Variants in HPS1 observed in about 807,000 individuals in gnomAD.
HPS1 encodes HPS1 biogenesis of lysosomal organelles complex 3 subunit 1, also known as BLOC-3 complex member HPS1.
HPS1 carries 59 observed loss-of-function variants against 90.6 expected under a neutral mutation model. That is an observed-to-expected ratio of 0.65 (90% CI 0.53 to 0.81). The LOEUF is 0.81. Ranked by LOEUF, HPS1 falls within the 30% of genes least tolerant of loss-of-function variation. The probability of loss-of-function intolerance (pLI) is 0.00; values close to 1 mark genes in which losing one functional copy is unlikely to be tolerated. For missense variants in HPS1, 849 were observed against 896.7 expected (o/e 0.95, Z 0.68); for synonymous variants, 388 against 384.4 (o/e 1.01, Z -0.11).
chr10:98,437,936 T>C (rs1937662810), intron 3 of HPS1, among the ~76,000 whole-genome samples: 1 of 152,174 alleles, frequency 6.6e-6, no homozygotes, highest in South Asian at 2.1e-4. Flanking sequence ...CTCAACTTGT[T>C]CTCATGAAAA....
chr10:98,418,021 C>T (rs1844333243), intron 19 of HPS1, 154 bp downstream of exon 19: 7 of 662,776 alleles, frequency 1.1e-5, no homozygotes, highest in South Asian at 3.6e-5. Context: ...CGTCCTCCCT[C>T]GCTGCACACA....
chr10:98,439,606 T>A (rs1197743542), intron 3 of HPS1, among the ~76,000 whole-genome samples: 1 of 152,190 alleles, frequency 6.6e-6, no homozygotes, highest in Non-Finnish European at 1.5e-5. Flanking sequence ...AAGTAACTTG[T>A]TTTTTATTTT....
At chr10:98,421,468 G>T (rs889479166) in intron 17 of HPS1, among the ~76,000 whole-genome samples, 1 of 152,208 alleles carries the variant, frequency 6.6e-6, no homozygotes, top group Admixed American at 6.5e-5. Flanking sequence ...TTATGGAGCT[G>T]CTAAAAATCA....
intron 16 of HPS1, 129 bp from the exon 17 acceptor site, chr10:98,422,642 T>A: frequency 1.1e-6 from 1 of 915,072 alleles, no homozygotes; most frequent in Non-Finnish European, 1.8e-6. Context: ...AGCTTCCATT[T>A]CAGCTAAGCC....
At chr10:98,431,079 A>C in intron 7 of HPS1, 52 bp downstream of exon 7, 1 of 1,583,564 alleles carries the variant, frequency 6.3e-7, no homozygotes. Flanking sequence ...GCCATAGGGG[A>C]GTGAGAAGGC....
In HPS1 at chr10:98,422,426, A is replaced by G. The variant is rs1242152758; in HGVS notation, c.1686T>C (p.Ser562=). 1.9e-6 allele frequency: 3 copies of G among 1,610,788 alleles called. No individual in the cohort carries two copies. The highest frequency in any genetic ancestry group is 2.2e-5 in the South Asian group (2 of 91,014). ...GQMVAPSLNC[S]QKTSSELGKG... ...TGCCCAACTCCGACGAGGTCTTTTG[A>G]CTGCAGTTGAGGGAAGGCGCCACCA... Residue 562 remains serine, a synonymous_variant, in exon 17 of 20, where the codon AGT becomes AGC. Transcript: ENST00000361490.
intron 10 of HPS1, 120 bp downstream of exon 10, chr10:98,429,453 G>T: frequency 1.3e-6 from 2 of 1,578,510 alleles, no homozygotes; most frequent in East Asian, 2.3e-5. Flanking sequence ...CTAGGAACAC[G>T]GGTACCTGCA....
downstream of HPS1, among the ~76,000 whole-genome samples, chr10:98,415,950 G>A (rs976215336): frequency 2.6e-5 from 4 of 152,204 alleles, no homozygotes; most frequent in Admixed American, 2.6e-4. Context: ...CCCTCCCTTA[G>A]GCCTGCCTTG....
intron 18 of HPS1, 64 bp from the exon 19 acceptor site, chr10:98,418,321 C>G (rs1419312975): frequency 6.6e-6 from 6 of 912,808 alleles, no homozygotes; most frequent in Non-Finnish European, 1.0e-5. Context: ...GTCAGACGCA[C>G]CGGGCTTGCG....
At chr10:98,415,066 T>C (rs779780823), downstream of HPS1, 38 of 1,614,104 alleles carry the variant, frequency 2.4e-5, no homozygotes, top group Non-Finnish European at 3.2e-5. Flanking sequence ...GCTTCCGTGT[T>C]ATCTCGTCTC....
At chr10:98,419,720 G>A (rs558362734) in intron 18 of HPS1, among the ~76,000 whole-genome samples, 20 of 152,358 alleles carry the variant, frequency 1.3e-4, no homozygotes, top group African/African-American at 3.1e-4. Flanking sequence ...TGACGCTGGC[G>A]ACATGGAAGC....
chr10:98,432,565 C>T (rs1846631515), intron 6 of HPS1, among the ~76,000 whole-genome samples: 1 of 152,194 alleles, frequency 6.6e-6, no homozygotes, highest in South Asian at 2.1e-4. Context: ...TAACACATCC[C>T]TTGAGTTTTT....
intron 15 of HPS1, 24 bp downstream of exon 15, chr10:98,423,729 C>A: frequency 1.2e-6 from 2 of 1,614,088 alleles, no homozygotes; most frequent in Non-Finnish European, 1.7e-6. Context: ...GCCCTGGCCA[C>A]CCAGGGGGCC....
intron 17 of HPS1, among the ~76,000 whole-genome samples, chr10:98,421,965 A>AACACACACAC (rs1270311453): frequency 3.5e-4 from 42 of 118,764 alleles, no homozygotes; most frequent in South Asian, 1.7e-3. Context: ...GAAAGAAAAG[A>AACACACACAC]ACACACACAC....
Position 98,422,399 on chromosome 10 carries a change from C to G in HPS1, c.1713G>C (p.Lys571Asn). 1 of 1,614,224 alleles carries G rather than the reference C, an allele frequency of 6.2e-7. No homozygotes were observed. The highest frequency in any genetic ancestry group is 2.2e-5 in the East Asian group (1 of 44,886). The change falls in exon 17 of 20, where the codon AAG becomes AAC. Residue 571 changes from lysine (K) to asparagine (N), a missense_variant. Lys to Asn is a moderately conservative substitution (Grantham distance 94, BLOSUM62 0). Coordinates refer to ENST00000361490, the MANE Select transcript of HPS1 (RefSeq NM_000195.5). Reference protein sequence around the residue: ...CSQKTSSELGKGPLAAFVKTK... With the variant: ...CSQKTSSELGNGPLAAFVKTK... ...TTTTGACAAAGGCAGCCAGCGGCCCCTTGCCCAACTCCGACGAGGTCTTTT... is the reference window on the plus strand; with the variant it reads ...TTTTGACAAAGGCAGCCAGCGGCCCGTTGCCCAACTCCGACGAGGTCTTTT...
At chr10:98,438,995 G>T (rs1937902750) in intron 3 of HPS1, among the ~76,000 whole-genome samples, 1 of 152,214 alleles carries the variant, frequency 6.6e-6, no homozygotes, top group Admixed American at 6.5e-5. Flanking sequence ...TGTTGTTTCA[G>T]ACAGTGCAAG....
At chr10:98,441,649 C>G (rs1406595208) in intron 3 of HPS1, among the ~76,000 whole-genome samples, 1 of 152,010 alleles carries the variant, frequency 6.6e-6, no homozygotes, top group African/African-American at 2.4e-5. Flanking sequence ...ATTAGAAGCT[C>G]TCAAAACTCA....
intron 3 of HPS1, among the ~76,000 whole-genome samples, chr10:98,439,486 C>G (rs1938017914): frequency 6.6e-6 from 1 of 152,218 alleles, no homozygotes; most frequent in African/African-American, 2.4e-5. Flanking sequence ...TAAGATTTGA[C>G]TGCCCCACTG....
downstream of HPS1, chr10:98,414,923 G>C: frequency 6.5e-7 from 1 of 1,541,684 alleles, no homozygotes; most frequent in South Asian, 1.3e-5. Context: ...AGTGGGGCTT[G>C]GCTCCCCCTC....
Sources: allele counts gnomAD v4.1 joint callset (sites outside exome capture counted in the v4.1 genomes callset), GRCh38; gene constraint gnomAD v4.1.1; transcripts MANE v1.5; gene names NCBI Gene and HGNC (gene_info 2026-07-23, HGNC 2026-07-21).